The following SLC9A9 variants were observed in gnomAD, a reference collection of about 807,000 sequenced individuals.
The protein encoded by SLC9A9 is sodium/hydrogen exchanger 9.
SLC9A9 carries 62 observed loss-of-function variants against 77.8 expected under a neutral mutation model. The observed-to-expected ratio is 0.80, with a 90% CI of 0.65 to 0.98. SLC9A9 has a LOEUF of 0.98. Ranked by LOEUF, SLC9A9 falls within the 50% of genes least tolerant of loss-of-function variation. SLC9A9 has a pLI of 0.00. For synonymous variants in SLC9A9, 320 were observed against 283.5 expected (o/e 1.13, Z -1.29); for missense variants, 775 against 774.9 (o/e 1.00, Z 0.00).
chr3:143,305,793 T>C (rs1336636064), intron 14 of SLC9A9, among the ~76,000 whole-genome samples: 2 of 152,188 alleles, frequency 1.3e-5, no homozygotes, highest in Non-Finnish European at 2.9e-5. Flanking sequence ...AAGGGGTGTG[T>C]CTTTGGCCAG....
At chr3:143,316,202 A>C (rs907109825) in intron 14 of SLC9A9, among the ~76,000 whole-genome samples, 3 of 152,162 alleles carry the variant, frequency 2.0e-5, no homozygotes, top group African/African-American at 7.2e-5. Context: ...TCACGAGATA[A>C]ATTTGGCCCC....
chr3:143,743,944 A>G (rs988111357), intron 4 of SLC9A9, among the ~76,000 whole-genome samples: 2 of 152,050 alleles, frequency 1.3e-5, no homozygotes, highest in Admixed American at 6.6e-5. Flanking sequence ...CAGCTTAATA[A>G]CTCCTGACAC....
chr3:143,574,686 C>T (rs2037326414), intron 7 of SLC9A9, among the ~76,000 whole-genome samples: 1 of 152,146 alleles, frequency 6.6e-6, no homozygotes, highest in Non-Finnish European at 1.5e-5. Context: ...CATTCAGTGA[C>T]AGGGAAGCTG....
intron 6 of SLC9A9, chr3:143,627,213 C>A (rs1378170716): frequency 1.3e-5 from 2 of 152,774 alleles, no homozygotes; most frequent in Non-Finnish European, 2.9e-5. Context: ...TTTGGGATTT[C>A]TTGAAGGCTA....
At chr3:143,767,138 C>T (rs2007344619) in intron 4 of SLC9A9, among the ~76,000 whole-genome samples, 1 of 151,964 alleles carries the variant, frequency 6.6e-6, no homozygotes, top group African/African-American at 2.4e-5. Context: ...CTTGCCTGGA[C>T]CTCTAGATAT....
At chr3:143,713,184 G>A (rs1391324195) in intron 4 of SLC9A9, among the ~76,000 whole-genome samples, 1 of 152,206 alleles carries the variant, frequency 6.6e-6, no homozygotes, top group Non-Finnish European at 1.5e-5. Context: ...TTCGCAAAAG[G>A]AGTGGTAGGA....
intron 14 of SLC9A9, among the ~76,000 whole-genome samples, chr3:143,311,693 A>T (rs542960669): frequency 6.6e-6 from 1 of 152,328 alleles, no homozygotes; most frequent in South Asian, 2.1e-4. Flanking sequence ...TCCTCTCTGT[A>T]AGGGCATGTT....
chr3:143,556,466 CT>C, intron 8 of SLC9A9, among the ~76,000 whole-genome samples: 1 of 152,342 alleles, frequency 6.6e-6, no homozygotes, highest in African/African-American at 2.4e-5. Flanking sequence ...GGGCTTGCTT[CT>C]TCCTATTTGC....
intron 14 of SLC9A9, among the ~76,000 whole-genome samples, chr3:143,280,287 C>T (rs1313066131): frequency 2.6e-5 from 4 of 152,200 alleles, no homozygotes; most frequent in Non-Finnish European, 5.9e-5. Context: ...ACTTCCCACC[C>T]CAGCAATGTT....
chr3:143,590,287 G>A (rs1244590723), intron 6 of SLC9A9, among the ~76,000 whole-genome samples: 1 of 152,170 alleles, frequency 6.6e-6, no homozygotes, highest in Non-Finnish European at 1.5e-5. Context: ...TATGTGTATA[G>A]TGCTTAAAAT....
chr3:143,430,524 T>C (rs2034494051), intron 12 of SLC9A9, among the ~76,000 whole-genome samples: 1 of 152,196 alleles, frequency 6.6e-6, no homozygotes, highest in South Asian at 2.1e-4. Flanking sequence ...AGGCCCTAGC[T>C]AGTCTACCTG....
intron 8 of SLC9A9, among the ~76,000 whole-genome samples, chr3:143,572,704 A>G (rs529191328): frequency 6.6e-6 from 1 of 152,350 alleles, no homozygotes; most frequent in Middle Eastern, 3.4e-3. Context: ...TTATAGTGTC[A>G]TAAGAACTGG....
At chr3:143,506,917 C>A (rs1476369631) in intron 9 of SLC9A9, among the ~76,000 whole-genome samples, 2 of 152,004 alleles carry the variant, frequency 1.3e-5, no homozygotes, top group East Asian at 3.9e-4. Context: ...TTTAAAAAAT[C>A]CCTTAATGAA....
intron 4 of SLC9A9, among the ~76,000 whole-genome samples, chr3:143,725,327 G>A (rs867060453): frequency 6.6e-6 from 1 of 152,086 alleles, no homozygotes; most frequent in African/African-American, 2.4e-5. Flanking sequence ...AGTCAGTGTG[G>A]CGATTCCTCA....
chr3:143,288,384 C>T (rs1938440822), intron 14 of SLC9A9, among the ~76,000 whole-genome samples: 1 of 152,128 alleles, frequency 6.6e-6, no homozygotes, highest in African/African-American at 2.4e-5. Flanking sequence ...ATTTTCGGGT[C>T]CAAGAGTTCT....
chr3:143,290,441 G>A (rs1308592292), intron 14 of SLC9A9, among the ~76,000 whole-genome samples: 4 of 152,216 alleles, frequency 2.6e-5, no homozygotes. Flanking sequence ...TGAAACAACA[G>A]GAATCTGGTC....
chr3:143,539,024 C>T (rs142877810), intron 9 of SLC9A9, among the ~76,000 whole-genome samples: 104 of 152,156 alleles, frequency 6.8e-4, no homozygotes, highest in African/African-American at 2.4e-3. Flanking sequence ...GGAAAAGAAA[C>T]CTGTTTTAAA....
intron 1 of SLC9A9, among the ~76,000 whole-genome samples, chr3:143,843,368 C>T (rs1270080022): frequency 6.6e-6 from 1 of 152,116 alleles, no homozygotes; most frequent in African/African-American, 2.4e-5. Context: ...ATTTTTCAAT[C>T]CTTGATGATT....
intron 4 of SLC9A9, among the ~76,000 whole-genome samples, chr3:143,768,653 T>C (rs773560711): frequency 2.6e-5 from 4 of 152,198 alleles, no homozygotes; most frequent in Non-Finnish European, 5.9e-5. Context: ...TACAGTGCTA[T>C]ATGCATAATA....
Sources: gnomAD v4.1 joint callset for allele counts (sites outside exome capture counted in the v4.1 genomes callset) on GRCh38, gnomAD v4.1.1 for gene constraint, MANE v1.5 for transcripts, NCBI Gene and HGNC (gene_info 2026-07-23, HGNC 2026-07-21) for gene names.